Variants in ESR2 observed in about 807,000 individuals in gnomAD.
ESR2 encodes the protein estrogen receptor 2, also known as estrogen receptor beta.
In ESR2, 36 loss-of-function variants were observed where a neutral mutation model predicts 49.6. That is an observed-to-expected ratio of 0.73 (90% CI 0.56 to 0.96). The LOEUF is 0.96. Among genes scored for constraint, ESR2 ranks in the 40% least tolerant of loss-of-function variants. The pLI is 0.00. For synonymous variants in ESR2, 320 were observed against 266.1 expected (o/e 1.20, Z -1.97); for missense variants, 714 against 693.0 (o/e 1.03, Z -0.34).
Position 64,260,337 on chromosome 14 carries a change from G to A in ESR2, c.952+112C>T, listed in dbSNP as rs1477685394. ...AAGTTACAAATCCAGCTGAGGACCT[G>A]TTAAATATCTAGGCACAGCTCATGG... On this transcript the variant is annotated intron_variant, in intron 5 of 8. Transcript: ENST00000341099. The A allele has an allele frequency of 5.5e-6, 6 of 1,092,034 alleles. No homozygotes were observed. The Admixed American group carries it at 8.6e-5, about 16-fold the overall frequency. 67.6% of individuals were successfully genotyped at this position (1,092,034 alleles called of 1,614,324 possible).
At chr14:64,288,348 CTTTTT>C (rs10560135) in intron 1 of ESR2, among the ~76,000 whole-genome samples, 5 of 131,362 alleles carry the variant, frequency 3.8e-5, no homozygotes, top group Admixed American at 7.5e-5. Flanking sequence ...AAAGACTACA[CTTTTT>C]TTTTTTTTTT....
chr14:64,316,703 G>A (rs973349809), intron 1 of ESR2, among the ~76,000 whole-genome samples: 2 of 152,040 alleles, frequency 1.3e-5, no homozygotes, highest in African/African-American at 2.4e-5. Flanking sequence ...CAGCTACTTT[G>A]TAGGCTGAGG....
chr14:64,242,418 CA>C (rs542050491), intron 7 of ESR2, among the ~76,000 whole-genome samples: 1 of 116,842 alleles, frequency 8.6e-6, no homozygotes, highest in Non-Finnish European at 1.7e-5. Context: ...AAAAAAAAAA[CA>C]AAAAAAACAA....
At chr14:64,296,682 A>G (rs1479786388), upstream of ESR2, among the ~76,000 whole-genome samples, 6 of 152,212 alleles carry the variant, frequency 3.9e-5, no homozygotes. Context: ...CTGTGTGCCA[A>G]GCTTCTGCTC....
intron 1 of ESR2, among the ~76,000 whole-genome samples, chr14:64,292,376 G>T (rs1299535623): frequency 6.6e-6 from 1 of 152,144 alleles, no homozygotes; most frequent in Non-Finnish European, 1.5e-5. Flanking sequence ...ACTGTTCTGT[G>T]TCATGTGTGC....
chr14:64,305,482 A>G (rs545881097), intron 1 of ESR2, among the ~76,000 whole-genome samples: 8 of 151,594 alleles, frequency 5.3e-5, no homozygotes, highest in African/African-American at 1.7e-4. Context: ...CATCCTGGCT[A>G]ACACAGTGAA....
At chr14:64,271,491 A>G (rs2076446009) in intron 3 of ESR2, among the ~76,000 whole-genome samples, 1 of 152,074 alleles carries the variant, frequency 6.6e-6, no homozygotes. Flanking sequence ...ACACCCAGCT[A>G]ATTTTTTGTA....
intron 1 of ESR2, among the ~76,000 whole-genome samples, chr14:64,335,154 A>G (rs2077512663): frequency 6.6e-6 from 1 of 152,236 alleles, no homozygotes; most frequent in Admixed American, 6.5e-5. Context: ...ATTTTAGATA[A>G]TAAGTGCTGT....
chr14:64,314,636 G>C (rs2077229502), intron 1 of ESR2, among the ~76,000 whole-genome samples: 1 of 151,926 alleles, frequency 6.6e-6, no homozygotes, highest in Admixed American at 6.6e-5. Flanking sequence ...CCAGCACTTT[G>C]AGAGCCTGAG....
Position 64,279,972 on chromosome 14 carries a change from C to A in ESR2, c.535+9G>T, listed in dbSNP as rs569270318. 1 of 1,609,364 alleles carries A rather than the reference C, an allele frequency of 6.2e-7. No homozygotes were observed. Among genetic ancestry groups the A allele is most frequent in the South Asian group, 1.1e-5 (1 of 90,894 alleles). ...GAAACTAAAGAAGCAGTTAACAATT[C>A]TCTTGTACCTTGAATGCTTCTTTTA... On this transcript the variant is annotated intron_variant, in intron 3 of 8. Coordinates refer to ENST00000341099, the MANE Select transcript of ESR2 (RefSeq NM_001437.3).
intron 7 of ESR2, among the ~76,000 whole-genome samples, chr14:64,248,246 G>A (rs1462600826): frequency 6.6e-6 from 1 of 151,918 alleles, no homozygotes; most frequent in Non-Finnish European, 1.5e-5. Flanking sequence ...GCTCACGCTT[G>A]TAAATTCCAG....
chr14:64,280,862 T>C (rs983905852), intron 2 of ESR2, among the ~76,000 whole-genome samples: 4 of 152,154 alleles, frequency 2.6e-5, no homozygotes, highest in Middle Eastern at 3.4e-3. Flanking sequence ...ATACAAAAAT[T>C]AGCCAGACAT....
chr14:64,294,924 A>C (rs1160043239), upstream of ESR2, among the ~76,000 whole-genome samples: 1 of 152,200 alleles, frequency 6.6e-6, no homozygotes, highest in Non-Finnish European at 1.5e-5. Context: ...TACTTCCTCG[A>C]ACTCACTTGA....
At chr14:64,260,070 A>G in intron 5 of ESR2, 2 of 466,548 alleles carry the variant, frequency 4.3e-6, no homozygotes, top group Non-Finnish European at 8.6e-6. Context: ...GAGGTGGCCA[A>G]CAGGTGAGTG....
chr14:64,324,631 A>C (rs1010694722), intron 1 of ESR2, among the ~76,000 whole-genome samples: 1 of 152,190 alleles, frequency 6.6e-6, no homozygotes, highest in Non-Finnish European at 1.5e-5. Context: ...ACAGCTGTTC[A>C]TAAAGATGAT....
Position 64,282,786 on chromosome 14 carries a change from C to A in ESR2, c.200G>T (p.Gly67Val). The A allele has an allele frequency of 6.2e-7, 1 of 1,614,226 alleles. No homozygotes were observed. The highest frequency in any genetic ancestry group is 2.2e-5 in the East Asian group (1 of 44,884). Residue 67 changes from glycine to valine, a missense_variant, in exon 2 of 9, where the codon GGT (glycine) becomes GTT (valine). Gly to Val is a moderately radical substitution (Grantham distance 109). Coordinates refer to ENST00000341099, the MANE Select transcript of ESR2 (RefSeq NM_001437.3). ...SIPSNVTNLE[G>V]GPGRQTTSPN... The stretch of plus-strand genomic sequence containing the variant: ...GCTTGTGGTCTGCCGACCAGGCCCA[C>A]CTTCCAAGTTAGTGACATTGCTGGG...
In ESR2 at chr14:64,260,463, G is replaced by A; in HGVS notation, c.938C>T (p.Ala313Val). The A allele has an allele frequency of 1.3e-6, 2 of 1,523,694 alleles. No individual in the cohort carries two copies. The highest frequency in any genetic ancestry group is 1.3e-5 in the South Asian group (1 of 75,668). The allele number at this position is 1,523,694 out of a possible 1,614,324, so 94.4% of individuals were successfully genotyped here. ...DKELVHMISW[A>V]KKIPGFVELS... ...GAAAGCCCTACCGGGAATCTTCTTG[G>A]CCCAGCTGATCATGTGTACCAACTC... is the stretch of plus-strand genomic sequence containing the variant. Residue 313 changes from alanine to valine, a missense_variant, in exon 5 of 9, where the codon GCC becomes GTC. Transcript: ENST00000341099.
At chr14:64,324,135 G>A (rs953087608) in intron 1 of ESR2, among the ~76,000 whole-genome samples, 4 of 152,306 alleles carry the variant, frequency 2.6e-5, no homozygotes, top group South Asian at 4.1e-4. Context: ...GCACCGCGCC[G>A]CCTGGTACCC....
At chr14:64,307,129 G>A (rs927827746) in intron 1 of ESR2, among the ~76,000 whole-genome samples, 1 of 151,686 alleles carries the variant, frequency 6.6e-6, no homozygotes, top group African/African-American at 2.4e-5. Flanking sequence ...CTTCATTCCT[G>A]ATATTTGCAA....
Sources: allele counts gnomAD v4.1 joint callset (sites outside exome capture counted in the v4.1 genomes callset), GRCh38; gene constraint gnomAD v4.1.1; transcripts MANE v1.5; gene names NCBI Gene and HGNC (gene_info 2026-07-23, HGNC 2026-07-21).